SLIT2: variants seen among roughly 807,000 people sequenced by gnomAD.
SLIT2 encodes the protein slit homolog 2 protein.
A neutral mutation model predicts 185.7 loss-of-function variants in SLIT2; 41 were observed. The observed-to-expected ratio is 0.22, with a 90% CI of 0.17 to 0.29. The LOEUF is 0.29. SLIT2 is among the 10% of genes least tolerant of loss of function. The probability of loss-of-function intolerance (pLI) is 1.00; values close to 1 mark genes in which losing one functional copy is unlikely to be tolerated. For missense variants in SLIT2, 1,571 were observed against 1,909.0 expected (o/e 0.82, Z 3.30); for synonymous variants, 693 against 680.2 (o/e 1.02, Z -0.29).
At chr4:20,492,123 T>G (rs1414026433) in intron 9 of SLIT2, among the ~76,000 whole-genome samples, 1 of 152,188 alleles carries the variant, frequency 6.6e-6, no homozygotes, top group Non-Finnish European at 1.5e-5. Context: ...AGGAATACAT[T>G]TTTTAGGAAA....
intron 26 of SLIT2, among the ~76,000 whole-genome samples, chr4:20,561,173 G>T (rs1304100036): frequency 6.6e-6 from 1 of 151,718 alleles, no homozygotes; most frequent in Non-Finnish European, 1.5e-5. Flanking sequence ...CAAAAGAAAG[G>T]CCAGGATACG....
chr4:20,332,219 C>T (rs1720121191), intron 4 of SLIT2, among the ~76,000 whole-genome samples: 1 of 152,096 alleles, frequency 6.6e-6, no homozygotes, highest in Non-Finnish European at 1.5e-5. Flanking sequence ...CACACACACC[C>T]ACACTTTTGC....
At chr4:20,365,000 T>G (rs909423398) in intron 4 of SLIT2, among the ~76,000 whole-genome samples, 5 of 152,132 alleles carry the variant, frequency 3.3e-5, no homozygotes. Context: ...GCATGATTTT[T>G]CAGATTATCC....
chr4:20,283,771 A>C (rs139595302), intron 4 of SLIT2, among the ~76,000 whole-genome samples: 35 of 152,330 alleles, frequency 2.3e-4, no homozygotes, highest in African/African-American at 8.2e-4. Flanking sequence ...AACAATATAA[A>C]TAATTTACTT....
intron 4 of SLIT2, among the ~76,000 whole-genome samples, chr4:20,284,060 G>T (rs981260756): frequency 6.6e-6 from 1 of 152,192 alleles, no homozygotes; most frequent in East Asian, 1.9e-4. Context: ...TTGAGTGAGT[G>T]AATGAGGGCC....
chr4:20,283,122 A>G (rs73803853), intron 4 of SLIT2, among the ~76,000 whole-genome samples: 2,335 of 103,762 alleles, frequency 0.023, 62 homozygotes, highest in African/African-American at 0.082. Context: ...GCGCGCGCGC[A>G]CACACACACA....
In SLIT2 at chr4:20,581,683, G is replaced by A. The variant is rs185252787; in HGVS notation, c.3089-7961G>A. 1.1e-4 allele frequency among the ~76,000 whole-genome samples: 16 copies of A among 152,166 alleles called. No homozygotes were observed. In the East Asian group the frequency reaches 1.9e-3, roughly 18 times the overall value. On this transcript the variant is annotated intron_variant, in intron 29 of 36. Transcript: ENST00000504154. ...CCCTGTACAAGTGGTCACCTCTCATGTGCACTTGTATCCCCACTTATGCAA... is the reference window on the plus strand; with the variant it reads ...CCCTGTACAAGTGGTCACCTCTCATATGCACTTGTATCCCCACTTATGCAA...
chr4:20,368,083 C>G (rs749694068), intron 4 of SLIT2, among the ~76,000 whole-genome samples: 6 of 151,722 alleles, frequency 4.0e-5, no homozygotes, highest in African/African-American at 1.5e-4. Flanking sequence ...CAAATTGTGC[C>G]TATGCTTTAT....
At chr4:20,563,124 G>T (rs1160426148) in intron 26 of SLIT2, among the ~76,000 whole-genome samples, 8 of 151,708 alleles carry the variant, frequency 5.3e-5, no homozygotes, top group Admixed American at 1.3e-4. Flanking sequence ...GAGACAGATT[G>T]TTAACCAAAC....
intron 34 of SLIT2, chr4:20,616,067 T>G (rs571391262): frequency 7.2e-5 from 11 of 152,362 alleles, no homozygotes; most frequent in African/African-American, 2.6e-4. Flanking sequence ...ATACAAAGAT[T>G]GCAAATACTC....
At chr4:20,353,361 T>C (rs1405313084) in intron 4 of SLIT2, among the ~76,000 whole-genome samples, 1 of 152,190 alleles carries the variant, frequency 6.6e-6, no homozygotes, top group African/African-American at 2.4e-5. Context: ...AAGAAGAAAC[T>C]TTCAGAAGAC....
At chr4:20,414,514 T>C (rs903869549) in intron 4 of SLIT2, among the ~76,000 whole-genome samples, 1 of 152,228 alleles carries the variant, frequency 6.6e-6, no homozygotes, top group African/African-American at 2.4e-5. Context: ...TGACTCCTTA[T>C]AGTATTTCTC....
At chr4:20,442,710 A>T (rs1729865319) in intron 4 of SLIT2, among the ~76,000 whole-genome samples, 1 of 152,116 alleles carries the variant, frequency 6.6e-6, no homozygotes. Flanking sequence ...GGACTGGAGC[A>T]GAGTTTTCGT....
intron 4 of SLIT2, among the ~76,000 whole-genome samples, chr4:20,293,255 A>G (rs1716142759): frequency 6.6e-6 from 1 of 152,230 alleles, no homozygotes; most frequent in African/African-American, 2.4e-5. Context: ...GGGTGATGTG[A>G]TTAAGATCAT....
chr4:20,328,717 A>G (rs1379401354), intron 4 of SLIT2, among the ~76,000 whole-genome samples: 1 of 152,126 alleles, frequency 6.6e-6, no homozygotes, highest in Non-Finnish European at 1.5e-5. Context: ...TTAAAAATGG[A>G]GTCAAATAAG....
intron 4 of SLIT2, among the ~76,000 whole-genome samples, chr4:20,291,722 T>C (rs1392138083): frequency 6.6e-6 from 1 of 151,766 alleles, no homozygotes; most frequent in African/African-American, 2.4e-5. Context: ...GTTCAAAAAA[T>C]TTTGCTGATG....
intron 4 of SLIT2, among the ~76,000 whole-genome samples, chr4:20,381,805 G>A (rs1274179707): frequency 6.6e-6 from 1 of 151,732 alleles, no homozygotes; most frequent in East Asian, 1.9e-4. Flanking sequence ...AATAGAAAAG[G>A]AGAGAATACT....
intron 11 of SLIT2, among the ~76,000 whole-genome samples, chr4:20,512,522 T>A (rs1719849170): frequency 6.6e-6 from 1 of 152,192 alleles, no homozygotes; most frequent in Non-Finnish European, 1.5e-5. Context: ...GGAACAATTG[T>A]TGGCAGAAAA....
At chr4:20,463,641 G>C (rs757609877) in intron 4 of SLIT2, among the ~76,000 whole-genome samples, 4 of 149,860 alleles carry the variant, frequency 2.7e-5, no homozygotes, top group African/African-American at 7.4e-5. Flanking sequence ...TTGGGAGGCC[G>C]AGGCGGGTGG....
Sources: gnomAD v4.1 joint callset for allele counts (sites outside exome capture counted in the v4.1 genomes callset) on GRCh38, gnomAD v4.1.1 for gene constraint, MANE v1.5 for transcripts, NCBI Gene and HGNC (gene_info 2026-07-23, HGNC 2026-07-21) for gene names.